Variants in PCDH15 observed in about 807,000 individuals in gnomAD.
PCDH15 encodes the protein protocadherin related 15, also known as protocadherin-15.
Under a neutral mutation model 178.5 loss-of-function variants are expected in PCDH15, and 129 were observed. The ratio of observed to expected loss-of-function variants is 0.72; its 90% confidence interval spans 0.63 to 0.84. The LOEUF (loss-of-function observed/expected upper bound fraction) is 0.84. Ranked by LOEUF, PCDH15 falls within the 40% of genes least tolerant of loss-of-function variation. The pLI is 0.00. For missense variants in PCDH15, 2,230 were observed against 2,099.9 expected (o/e 1.06, Z -1.21); for synonymous variants, 800 against 732.0 (o/e 1.09, Z -1.50).
intron 3 of PCDH15, among the ~76,000 whole-genome samples, chr10:54,503,063 G>T (rs943653092): frequency 2.8e-4 from 43 of 151,220 alleles, no homozygotes; most frequent in African/African-American, 8.5e-4. Context: ...TTCTAAGCTT[G>T]CTATAAAATC....
rs754767424 is a variant in PCDH15, at chr10:55,615,151, T to C, written c.-156+12474A>G. 5.6e-4 allele frequency among the ~76,000 whole-genome samples: 85 copies of C among 152,144 alleles called. 1 individual carries two copies. The highest frequency in any genetic ancestry group is 2.0e-3 in the Admixed American group (31 of 15,288). The stretch of plus-strand genomic sequence containing the variant: ...AAAAATACAAATCATAACATGAAAA[T>C]TCAAATGATTGTATACTAAAACAAT... On this transcript the variant is annotated intron_variant, in intron 2 of 5. Transcript: ENST00000613346.
At chr10:55,008,410 C>A (rs1839980253) in intron 2 of PCDH15, among the ~76,000 whole-genome samples, 1 of 152,082 alleles carries the variant, frequency 6.6e-6, no homozygotes, top group Non-Finnish European at 1.5e-5. Flanking sequence ...GGATATCTTG[C>A]TCCTTTCTTT....
Position 54,754,297 on chromosome 10 carries a change from C to T in PCDH15, c.-29+46628G>A, listed in dbSNP as rs1018147536. 2.6e-5 allele frequency among the ~76,000 whole-genome samples: 4 copies of T among 152,074 alleles called. No individual in the cohort carries two copies. The East Asian group carries it at 5.8e-4, about 22-fold the overall frequency. Reference sequence around the variant, plus strand: ...TTGTGGATTCAGATACTGCAATCAACGAACATTGAGCCAAGGATGAATTGG... The same window carrying T: ...TTGTGGATTCAGATACTGCAATCAATGAACATTGAGCCAAGGATGAATTGG... On this transcript the variant is annotated intron_variant, in intron 1 of 37. Coordinates refer to ENST00000644397, the MANE Select transcript of PCDH15 (RefSeq NM_001384140.1).
intron 1 of PCDH15, among the ~76,000 whole-genome samples, chr10:55,314,501 G>A (rs1044921274): frequency 1.3e-5 from 2 of 151,578 alleles, no homozygotes; most frequent in African/African-American, 4.9e-5. Flanking sequence ...AGAGTTTGTA[G>A]CTATTTCTTA....
chr10:54,909,288 T>C (rs1954778615), intron 2 of PCDH15, among the ~76,000 whole-genome samples: 1 of 152,090 alleles, frequency 6.6e-6, no homozygotes, highest in Non-Finnish European at 1.5e-5. Flanking sequence ...AGAAGCCTGA[T>C]AGCCTCCTGC....
At chr10:55,324,561 G>C (rs1843983176), upstream of PCDH15, among the ~76,000 whole-genome samples, 1 of 152,186 alleles carries the variant, frequency 6.6e-6, no homozygotes, top group Non-Finnish European at 1.5e-5. Flanking sequence ...CAACACAGGT[G>C]CACCCAGATT....
intron 2 of PCDH15, among the ~76,000 whole-genome samples, chr10:55,365,184 T>C (rs1229446912): frequency 6.6e-6 from 1 of 152,158 alleles, no homozygotes; most frequent in Non-Finnish European, 1.5e-5. Flanking sequence ...TTAGCCAGAA[T>C]AGAAGATGGC....
intron 20 of PCDH15, among the ~76,000 whole-genome samples, chr10:54,013,031 A>G (rs1267342088): frequency 6.6e-6 from 1 of 152,202 alleles, no homozygotes; most frequent in Admixed American, 6.5e-5. Flanking sequence ...ACATGCAATG[A>G]CATCCATAGG....
chr10:53,866,971 A>G, intron 26 of PCDH15, 114 bp from the exon 27 acceptor site: 1 of 740,874 alleles, frequency 1.3e-6, no homozygotes, highest in Middle Eastern at 3.0e-4. Flanking sequence ...ATAACACAAT[A>G]AAGCCCTCCT....
At chr10:54,462,744 C>T (rs1291917648) in intron 3 of PCDH15, among the ~76,000 whole-genome samples, 1 of 122,504 alleles carries the variant, frequency 8.2e-6, no homozygotes, top group Non-Finnish European at 1.6e-5. Context: ...TGTGGCCCGG[C>T]TGGTCTCAAG....
At chr10:55,225,011 T>C (rs1840986580) in intron 1 of PCDH15, among the ~76,000 whole-genome samples, 1 of 152,140 alleles carries the variant, frequency 6.6e-6, no homozygotes, top group Non-Finnish European at 1.5e-5. Flanking sequence ...TCTTTAGACA[T>C]CTTCTTAACA....
At chr10:55,052,528 C>T (rs1409353723) in intron 2 of PCDH15, among the ~76,000 whole-genome samples, 6 of 86,074 alleles carry the variant, frequency 7.0e-5, no homozygotes, top group Admixed American at 1.2e-4. Context: ...GCGAAAACCC[C>T]GTCTCATACA....
At chr10:55,539,871 T>C (rs1841719511) in intron 2 of PCDH15, among the ~76,000 whole-genome samples, 1 of 152,132 alleles carries the variant, frequency 6.6e-6, no homozygotes, top group Non-Finnish European at 1.5e-5. Flanking sequence ...GGTACTCTTG[T>C]ATATACTTTA....
intron 7 of PCDH15, among the ~76,000 whole-genome samples, chr10:54,327,163 T>TA (rs911381885): frequency 1.5e-4 from 21 of 141,778 alleles, no homozygotes; most frequent in Non-Finnish European, 2.6e-4. Context: ...GCATTTCTAT[T>TA]AAAAAATTAT....
At chr10:55,551,597 GAGTAA>G (rs1247256330) in intron 2 of PCDH15, among the ~76,000 whole-genome samples, 4 of 151,740 alleles carry the variant, frequency 2.6e-5, no homozygotes, top group Non-Finnish European at 4.4e-5. Flanking sequence ...ATTGAAATGT[GAGTAA>G]AGTAGATTAC....
intron 15 of PCDH15, among the ~76,000 whole-genome samples, chr10:54,104,190 G>A (rs538842574): frequency 2.6e-5 from 4 of 152,266 alleles, no homozygotes; most frequent in South Asian, 2.1e-4. Flanking sequence ...ATGGCAGCAT[G>A]GATTAGAGAG....
At chr10:53,822,370 TAGAAGGAGGAGA>T in intron 32 of PCDH15, 1 of 1,569,412 alleles carries the variant, frequency 6.4e-7, no homozygotes, top group Non-Finnish European at 8.6e-7. Flanking sequence ...GGAAGAGGGA[TAGAAGGAGGAGA>T]GGGAGGAGGA....
intron 8 of PCDH15, among the ~76,000 whole-genome samples, chr10:54,251,793 T>C (rs1040211320): frequency 6.6e-6 from 1 of 152,202 alleles, no homozygotes; most frequent in Non-Finnish European, 1.5e-5. Flanking sequence ...ATCCTATCTT[T>C]CTGTCTTAAA....
At chr10:54,107,757 C>T (rs1359525235) in intron 15 of PCDH15, among the ~76,000 whole-genome samples, 4 of 152,006 alleles carry the variant, frequency 2.6e-5, no homozygotes, top group East Asian at 1.9e-4. Flanking sequence ...TGTAAAGAAT[C>T]AGAGCCTGGG....
Sources: allele counts gnomAD v4.1 joint callset (sites outside exome capture counted in the v4.1 genomes callset), GRCh38; gene constraint gnomAD v4.1.1; transcripts MANE v1.5; gene names NCBI Gene and HGNC (gene_info 2026-07-23, HGNC 2026-07-21).